RALYL: variants seen among roughly 807,000 people sequenced by gnomAD.
The protein encoded by RALYL is RALY RNA binding protein like.
RALYL carries 29 observed loss-of-function variants against 35.1 expected under a neutral mutation model. The observed-to-expected ratio is 0.83, with a 90% CI of 0.61 to 1.13. The LOEUF is 1.13. RALYL is among the 50% of genes most tolerant of loss of function. The pLI is 0.00. For synonymous variants in RALYL, 120 were observed against 127.6 expected, an observed-to-expected ratio of 0.94 and a Z score of 0.40; for missense variants, 359 against 360.4, an observed-to-expected ratio of 1.00 and a Z score of 0.03.
intron 1 of RALYL, among the ~76,000 whole-genome samples, chr8:84,248,215 A>G (rs528992993): frequency 6.6e-6 from 1 of 152,256 alleles, no homozygotes; most frequent in East Asian, 1.9e-4. Context: ...CCATCATGAG[A>G]TATCTCTTTA....
intron 1 of RALYL, among the ~76,000 whole-genome samples, chr8:84,461,397 G>A (rs772252315): frequency 1.3e-4 from 20 of 151,604 alleles, no homozygotes; most frequent in Non-Finnish European, 8.9e-5. Flanking sequence ...GGGTAATATA[G>A]AATGTCAGAA....
chr8:84,917,031 A>G (rs1361156818), intron 8 of RALYL, among the ~76,000 whole-genome samples: 2 of 152,124 alleles, frequency 1.3e-5, no homozygotes, highest in East Asian at 3.9e-4. Context: ...TAGGAAAGAA[A>G]ATAAAACATC....
chr8:84,490,074 C>A (rs1468999622), intron 1 of RALYL, among the ~76,000 whole-genome samples: 1 of 114,174 alleles, frequency 8.8e-6, no homozygotes, highest in African/African-American at 3.1e-5. Context: ...AGAGTGCTTG[C>A]GTGCATGTGT....
chr8:84,520,785 A>T (rs1183966915), intron 1 of RALYL, among the ~76,000 whole-genome samples: 3 of 152,126 alleles, frequency 2.0e-5, no homozygotes, highest in African/African-American at 4.8e-5. Flanking sequence ...TCTGAGGTGG[A>T]ATGGTTTCAT....
chr8:84,305,304 C>G (rs955946138), intron 1 of RALYL, among the ~76,000 whole-genome samples: 1 of 152,138 alleles, frequency 6.6e-6, no homozygotes, highest in African/African-American at 2.4e-5. Context: ...CTCTAGCTTT[C>G]ACTGATTCCT....
chr8:84,470,595 T>G (rs1444435749), intron 1 of RALYL, among the ~76,000 whole-genome samples: 1 of 152,182 alleles, frequency 6.6e-6, no homozygotes, highest in Non-Finnish European at 1.5e-5. Flanking sequence ...GATGTTTTAC[T>G]GACATTGTGT....
chr8:84,227,214 C>A (rs1824137995), intron 1 of RALYL, among the ~76,000 whole-genome samples: 1 of 151,640 alleles, frequency 6.6e-6, no homozygotes, highest in South Asian at 2.1e-4. Context: ...GTGCAGCCAC[C>A]ACACCTGGGT....
chr8:84,859,852 CAAGA>C (rs1837781443), intron 5 of RALYL, among the ~76,000 whole-genome samples: 1 of 151,940 alleles, frequency 6.6e-6, no homozygotes, highest in Non-Finnish European at 1.5e-5. Context: ...CTCAAAAAAA[CAAGA>C]GAGAGAGAAA....
At chr8:84,335,709 C>CTT (rs548185561) in intron 1 of RALYL, among the ~76,000 whole-genome samples, 7 of 85,218 alleles carry the variant, frequency 8.2e-5, no homozygotes, top group African/African-American at 4.1e-4. Context: ...GTTTTCTTAC[C>CTT]TTTTTTTTTT....
At chr8:84,900,227 G>A (rs1212371610) in intron 8 of RALYL, among the ~76,000 whole-genome samples, 1 of 152,082 alleles carries the variant, frequency 6.6e-6, no homozygotes, top group Non-Finnish European at 1.5e-5. Context: ...TTAAAAATAA[G>A]CTTTAAATAT....
chr8:84,395,065 A>T (rs954349822), intron 1 of RALYL, among the ~76,000 whole-genome samples: 2 of 151,904 alleles, frequency 1.3e-5, no homozygotes, highest in Non-Finnish European at 2.9e-5. Context: ...AAAGAAGAAA[A>T]TAAATATTAC....
intron 2 of RALYL, among the ~76,000 whole-genome samples, chr8:84,737,313 T>C (rs1847495372): frequency 6.6e-6 from 1 of 152,096 alleles, no homozygotes; most frequent in South Asian, 2.1e-4. Flanking sequence ...TCATAAGGTA[T>C]GTTACCAAAT....
Position 84,513,723 on chromosome 8 carries a change from A to G in RALYL, c.-23-15576A>G, listed in dbSNP as rs1037977638. 5.3e-5 allele frequency among the ~76,000 whole-genome samples: 8 copies of G among 152,154 alleles called. No homozygotes were observed. The South Asian group carries it at 8.3e-4, about 16-fold the overall frequency. Reference sequence around the variant, plus strand: ...TTAATCACTATAATAGGTAGGTAACATTGACTCTTAAGATACAAAATATAG... The same window carrying G: ...TTAATCACTATAATAGGTAGGTAACGTTGACTCTTAAGATACAAAATATAG... On this transcript the variant is annotated intron_variant, in intron 1 of 8. Transcript: ENST00000521268.
intron 2 of RALYL, chr8:84,705,875 G>A: frequency 7.0e-7 from 1 of 1,423,640 alleles, no homozygotes; most frequent in Non-Finnish European, 9.2e-7. Context: ...GTAATTTTAT[G>A]AGAATGGTAT....
chr8:84,882,228 C>T (rs10110555), intron 7 of RALYL, among the ~76,000 whole-genome samples: 54,125 of 151,710 alleles, frequency 0.36, 10,229 homozygotes, highest in East Asian at 0.72. Context: ...TCTCTTTTCA[C>T]AAAAGAAATG....
chr8:84,518,287 C>A (rs1344790630), intron 1 of RALYL, among the ~76,000 whole-genome samples: 5 of 152,060 alleles, frequency 3.3e-5, no homozygotes, highest in African/African-American at 1.2e-4. Context: ...TTAATTTCTA[C>A]ATTTCTTAGA....
chr8:84,527,346 T>G (rs910310827), intron 1 of RALYL, among the ~76,000 whole-genome samples: 5 of 152,184 alleles, frequency 3.3e-5, no homozygotes, highest in Admixed American at 2.6e-4. Flanking sequence ...CGAATTAAAT[T>G]TGACCAAGGG....
intron 2 of RALYL, among the ~76,000 whole-genome samples, chr8:84,539,571 T>C (rs947428819): frequency 2.6e-5 from 4 of 151,956 alleles, no homozygotes; most frequent in African/African-American, 9.7e-5. Context: ...TCTGTCTTGT[T>C]GAAAAAAATC....
intron 1 of RALYL, among the ~76,000 whole-genome samples, chr8:84,517,029 G>A (rs938428050): frequency 6.6e-6 from 1 of 152,118 alleles, no homozygotes; most frequent in African/African-American, 2.4e-5. Context: ...CCTACAGACT[G>A]TCTCATTATT....
Sources: gnomAD v4.1 joint callset for allele counts (sites outside exome capture counted in the v4.1 genomes callset) on GRCh38, gnomAD v4.1.1 for gene constraint, MANE v1.5 for transcripts, NCBI Gene and HGNC (gene_info 2026-07-23, HGNC 2026-07-21) for gene names.